The following GALNTL6 variants were observed in gnomAD, a reference collection of about 807,000 sequenced individuals.
GALNTL6 encodes the protein polypeptide N-acetylgalactosaminyltransferase-like 6.
GALNTL6 carries 46 observed loss-of-function variants against 73.7 expected under a neutral mutation model. The observed-to-expected ratio is 0.62, with a 90% CI of 0.49 to 0.80. The LOEUF (loss-of-function observed/expected upper bound fraction) is 0.80, where lower values mean the gene tolerates loss of function less well. GALNTL6 is among the 30% of genes least tolerant of loss of function. The pLI, the probability that GALNTL6 is intolerant of heterozygous loss-of-function variation, is 0.00. For synonymous variants in GALNTL6, 259 were observed against 263.7 expected, an observed-to-expected ratio of 0.98 and a Z score of 0.17; for missense variants, 604 against 755.0, an observed-to-expected ratio of 0.80 and a Z score of 2.34.
At chr4:172,574,281 T>C (rs1298467728) in intron 5 of GALNTL6, among the ~76,000 whole-genome samples, 1 of 152,100 alleles carries the variant, frequency 6.6e-6, no homozygotes, top group African/African-American at 2.4e-5. Context: ...ATTTTGTAAA[T>C]GTAGTCCTAG....
chr4:172,300,449 C>T (rs892643195), intron 3 of GALNTL6, among the ~76,000 whole-genome samples: 1 of 152,276 alleles, frequency 6.6e-6, no homozygotes, highest in African/African-American at 2.4e-5. Context: ...TTAGTTGATG[C>T]AGTTTCTTCC....
intron 5 of GALNTL6, among the ~76,000 whole-genome samples, chr4:172,786,021 G>A (rs996746885): frequency 6.6e-6 from 1 of 151,978 alleles, no homozygotes; most frequent in African/African-American, 2.4e-5. Flanking sequence ...ACTATATCCT[G>A]GTTAACAGTT....
intron 2 of GALNTL6, among the ~76,000 whole-genome samples, chr4:172,201,931 G>T (rs1334109610): frequency 6.6e-6 from 1 of 152,128 alleles, no homozygotes; most frequent in African/African-American, 2.4e-5. Context: ...ACCAAGAAAT[G>T]GGCGGGGAAA....
At chr4:172,796,808 G>A (rs1202116372) in intron 5 of GALNTL6, among the ~76,000 whole-genome samples, 4 of 151,370 alleles carry the variant, frequency 2.6e-5, no homozygotes, top group Admixed American at 1.3e-4. Context: ...GTAGCCTTGG[G>A]AATAGGACCA....
chr4:172,484,258 A>C (rs1378894102), intron 5 of GALNTL6, among the ~76,000 whole-genome samples: 1 of 152,230 alleles, frequency 6.6e-6, no homozygotes, highest in Non-Finnish European at 1.5e-5. Flanking sequence ...AATATTGTCC[A>C]TTCACGACAA....
chr4:172,812,990 A>G (rs1741399587), intron 6 of GALNTL6, among the ~76,000 whole-genome samples: 1 of 152,196 alleles, frequency 6.6e-6, no homozygotes, highest in Non-Finnish European at 1.5e-5. Context: ...AACAGTGGCA[A>G]AATAGGACTT....
At chr4:171,971,879 G>T (rs975583777) in intron 2 of GALNTL6, among the ~76,000 whole-genome samples, 2 of 152,128 alleles carry the variant, frequency 1.3e-5, no homozygotes, top group African/African-American at 4.8e-5. Flanking sequence ...CTGTGAGTGT[G>T]TTTGTGTGTG....
At chr4:172,886,551 G>A (rs560929020) in intron 8 of GALNTL6, among the ~76,000 whole-genome samples, 235 of 152,332 alleles carry the variant, frequency 1.5e-3, no homozygotes, top group African/African-American at 5.3e-3. Flanking sequence ...GGATCACAAG[G>A]TCAGGAGTTC....
At chr4:172,992,345 A>G (rs1277822636) in intron 10 of GALNTL6, among the ~76,000 whole-genome samples, 1 of 152,232 alleles carries the variant, frequency 6.6e-6, no homozygotes. Flanking sequence ...GCCTCTAGTA[A>G]ATACAGTATC....
chr4:172,517,484 G>A (rs115459292), intron 5 of GALNTL6, among the ~76,000 whole-genome samples: 4 of 152,202 alleles, frequency 2.6e-5, no homozygotes, highest in Non-Finnish European at 5.9e-5. Context: ...TCATTAAAAC[G>A]TGGAGTAGCT....
intron 5 of GALNTL6, among the ~76,000 whole-genome samples, chr4:172,746,250 A>G (rs1228079516): frequency 6.6e-6 from 1 of 152,086 alleles, no homozygotes; most frequent in Non-Finnish European, 1.5e-5. Flanking sequence ...TCTACCACAC[A>G]ACCTTAAAGT....
chr4:172,397,189 T>C (rs186038231), intron 5 of GALNTL6, among the ~76,000 whole-genome samples: 11 of 152,336 alleles, frequency 7.2e-5, no homozygotes, highest in Admixed American at 5.9e-4. Flanking sequence ...AGATGTAAAC[T>C]GTTTTAGGAG....
intron 7 of GALNTL6, among the ~76,000 whole-genome samples, chr4:172,872,699 A>G (rs957429943): frequency 3.3e-5 from 5 of 152,328 alleles, no homozygotes; most frequent in African/African-American, 1.2e-4. Flanking sequence ...CAAACCAGAA[A>G]AGAAATCTCA....
intron 12 of GALNTL6, among the ~76,000 whole-genome samples, chr4:173,029,236 C>T (rs1261421757): frequency 6.6e-6 from 1 of 152,232 alleles, no homozygotes; most frequent in Non-Finnish European, 1.5e-5. Flanking sequence ...GTTGGGCAGT[C>T]ACACTCTCCC....
chr4:172,661,236 T>C (rs775443085), intron 5 of GALNTL6, among the ~76,000 whole-genome samples: 20 of 152,086 alleles, frequency 1.3e-4, no homozygotes, highest in Non-Finnish European at 2.9e-4. Context: ...CCCTCACCTC[T>C]CCACCCCCTA....
At chr4:171,923,471 C>T (rs1262185873) in intron 2 of GALNTL6, among the ~76,000 whole-genome samples, 1 of 148,306 alleles carries the variant, frequency 6.7e-6, no homozygotes, top group African/African-American at 2.5e-5. Context: ...GATCTCGGCT[C>T]ACTGCAAGCT....
At chr4:172,251,148 TGGAGGTTGGCAGGCA>T (rs1005761653) in intron 3 of GALNTL6, among the ~76,000 whole-genome samples, 23 of 152,152 alleles carry the variant, frequency 1.5e-4, no homozygotes, top group African/African-American at 5.3e-4. Flanking sequence ...AATCTGATGG[TGGAGGTTGGCAGGCA>T]GGAGACCCAG....
chr4:171,977,430 C>T (rs1266323320), intron 2 of GALNTL6, among the ~76,000 whole-genome samples: 1 of 152,086 alleles, frequency 6.6e-6, no homozygotes, highest in East Asian at 1.9e-4. Context: ...GTTAGAAGTC[C>T]AAGATTAAGA....
chr4:172,179,937 T>A (rs933535891), intron 2 of GALNTL6, among the ~76,000 whole-genome samples: 1 of 152,192 alleles, frequency 6.6e-6, no homozygotes, highest in African/African-American at 2.4e-5. Flanking sequence ...GTAGAATGAT[T>A]TATAATCCTT....
Sources: gnomAD v4.1 joint callset for allele counts (sites outside exome capture counted in the v4.1 genomes callset) on GRCh38, gnomAD v4.1.1 for gene constraint, MANE v1.5 for transcripts, NCBI Gene and HGNC (gene_info 2026-07-23, HGNC 2026-07-21) for gene names.